Variants in TMEM232 observed in about 807,000 individuals in gnomAD.
TMEM232 encodes transmembrane protein 232.
In TMEM232, 80 loss-of-function variants were observed where a neutral mutation model predicts 78.8. That is an observed-to-expected ratio of 1.01 (90% CI 0.85 to 1.22). TMEM232 has a LOEUF of 1.22. Ranked by LOEUF, TMEM232 falls within the 50% of genes most tolerant of loss-of-function variation. TMEM232 has a pLI of 0.00. For synonymous variants in TMEM232, 297 were observed against 254.3 expected (o/e 1.17, Z -1.60); for missense variants, 881 against 742.2 (o/e 1.19, Z -2.17).
chr5:110,584,238 G>A (rs917566506), intron 10 of TMEM232, among the ~76,000 whole-genome samples: 13 of 151,736 alleles, frequency 8.6e-5, no homozygotes, highest in African/African-American at 1.9e-4. Context: ...GTCAAGATAC[G>A]GAAACAACCT....
At chr5:110,403,187 T>A (rs1276787947) in intron 2 of TMEM232, among the ~76,000 whole-genome samples, 1 of 152,056 alleles carries the variant, frequency 6.6e-6, no homozygotes, top group Admixed American at 6.6e-5. Context: ...GGTATTTCAA[T>A]TCCAGAGAAA....
At chr5:110,430,898 A>G (rs984782138) in intron 12 of TMEM232, among the ~76,000 whole-genome samples, 7 of 151,744 alleles carry the variant, frequency 4.6e-5, no homozygotes, top group African/African-American at 1.2e-4. Context: ...TGAAAGGCCA[A>G]TGTATCAGAG....
intron 12 of TMEM232, among the ~76,000 whole-genome samples, chr5:110,519,571 C>CA (rs1032709496): frequency 4.6e-5 from 7 of 151,182 alleles, no homozygotes; most frequent in South Asian, 2.1e-4. Context: ...GGAGGTTCCT[C>CA]AAAAAAACAA....
At chr5:110,441,287 C>A (rs1339274571) in intron 12 of TMEM232, among the ~76,000 whole-genome samples, 1 of 152,072 alleles carries the variant, frequency 6.6e-6, no homozygotes, top group East Asian at 1.9e-4. Context: ...TTGACAAGGT[C>A]CCTTGAGAGA....
intron 7 of TMEM232, among the ~76,000 whole-genome samples, chr5:110,619,876 C>G (rs1206715128): frequency 2.0e-5 from 3 of 151,528 alleles, no homozygotes; most frequent in African/African-American, 7.3e-5. Flanking sequence ...TGTAACAAAC[C>G]TGCATGTTGT....
intron 8 of TMEM232, among the ~76,000 whole-genome samples, chr5:110,614,293 C>G (rs2149873029): frequency 6.6e-6 from 1 of 152,208 alleles, no homozygotes; most frequent in South Asian, 2.1e-4. Flanking sequence ...ACTAGAATGA[C>G]AGTTGAATGA....
intron 11 of TMEM232, among the ~76,000 whole-genome samples, chr5:110,552,738 G>T (rs965709188): frequency 1.3e-5 from 2 of 152,048 alleles, no homozygotes; most frequent in Admixed American, 1.3e-4. Flanking sequence ...TACACTTAAT[G>T]TATATCTGCA....
chr5:110,390,090 C>G (rs769870467), intron 4 of TMEM232, among the ~76,000 whole-genome samples: 1 of 152,158 alleles, frequency 6.6e-6, no homozygotes, highest in Non-Finnish European at 1.5e-5. Flanking sequence ...GTGGCTATAT[C>G]TTCTCTCACT....
At chr5:110,661,400 C>T (rs1266400285) in intron 2 of TMEM232, among the ~76,000 whole-genome samples, 1 of 135,152 alleles carries the variant, frequency 7.4e-6, no homozygotes, top group Non-Finnish European at 1.5e-5. Context: ...CAATCTCTAC[C>T]TCTAGGTCTC....
At chr5:110,597,291 G>C (rs1263096594) in intron 10 of TMEM232, among the ~76,000 whole-genome samples, 2 of 152,094 alleles carry the variant, frequency 1.3e-5, no homozygotes, top group African/African-American at 2.4e-5. Context: ...AAATACTTAG[G>C]AATCCAACTT....
rs77937403 is a variant in TMEM232, at chr5:110,409,803, T to C, written n.309-11949A>G. On this transcript the variant is annotated intron_variant and non_coding_transcript_variant, in intron 2 of 8. Transcript: ENST00000507188. ...ATTTTTTTGTGCACATTGTCACTCA[T>C]AGAGCAGGCAAGAGGAGCTCTTTCT... 8.2e-3 allele frequency among the ~76,000 whole-genome samples: 1,256 copies of C among 152,256 alleles called. 18 individuals carry two copies. The highest frequency in any genetic ancestry group is 0.029 in the African/African-American group (1,190 of 41,556).
At chr5:110,495,232 T>A (rs1262825355) in intron 12 of TMEM232, among the ~76,000 whole-genome samples, 2 of 151,874 alleles carry the variant, frequency 1.3e-5, no homozygotes, top group Admixed American at 1.3e-4. Flanking sequence ...CTTATCTATA[T>A]ATGTTAACAT....
At chr5:110,687,700 C>T (rs574458297) in intron 1 of TMEM232, among the ~76,000 whole-genome samples, 8 of 152,174 alleles carry the variant, frequency 5.3e-5, no homozygotes, top group Admixed American at 2.0e-4. Context: ...TTGTCTCTCT[C>T]TCTGTCTCTC....
chr5:110,470,505 A>G (rs1000013541), intron 12 of TMEM232, among the ~76,000 whole-genome samples: 3 of 152,136 alleles, frequency 2.0e-5, no homozygotes, highest in Non-Finnish European at 4.4e-5. Context: ...CACAGCACCA[A>G]GGGAAATTTC....
At chr5:110,506,348 T>G (rs1283683380) in intron 12 of TMEM232, among the ~76,000 whole-genome samples, 1 of 152,210 alleles carries the variant, frequency 6.6e-6, no homozygotes, top group Admixed American at 6.5e-5. Flanking sequence ...TAAAATCTAC[T>G]TGAGTTCAAA....
At chr5:110,430,993 G>C (rs1036192972) in intron 12 of TMEM232, among the ~76,000 whole-genome samples, 12 of 151,640 alleles carry the variant, frequency 7.9e-5, no homozygotes, top group African/African-American at 2.9e-4. Flanking sequence ...GGATTGAAAA[G>C]TGAAAAATCC....
At chr5:110,578,936 G>C (rs1044599717) in intron 10 of TMEM232, among the ~76,000 whole-genome samples, 17 of 151,706 alleles carry the variant, frequency 1.1e-4, no homozygotes, top group Non-Finnish European at 1.5e-5. Context: ...ATACAATTTA[G>C]AAAACACAAT....
At chr5:110,479,500 A>C (rs1012453065) in intron 12 of TMEM232, among the ~76,000 whole-genome samples, 1 of 151,824 alleles carries the variant, frequency 6.6e-6, no homozygotes, top group Non-Finnish European at 1.5e-5. Context: ...ATAACACTAG[A>C]GATTACCTGT....
At chr5:110,456,606 A>G in intron 12 of TMEM232, among the ~76,000 whole-genome samples, 1 of 152,280 alleles carries the variant, frequency 6.6e-6, no homozygotes, top group Middle Eastern at 3.4e-3. Context: ...AAAAATAAAA[A>G]TACTATCTGG....
Sources: gnomAD v4.1 joint callset for allele counts (sites outside exome capture counted in the v4.1 genomes callset) on GRCh38, gnomAD v4.1.1 for gene constraint, MANE v1.5 for transcripts, NCBI Gene and HGNC (gene_info 2026-07-23, HGNC 2026-07-21) for gene names.